Variants in USP43 observed in about 807,000 individuals in gnomAD.
USP43 encodes ubiquitin specific peptidase 43.
USP43 carries 33 observed loss-of-function variants against 90.7 expected under a neutral mutation model. The observed-to-expected ratio is 0.36, with a 90% CI of 0.28 to 0.49. The LOEUF (loss-of-function observed/expected upper bound fraction) is 0.49. Ranked by LOEUF, USP43 falls within the 20% of genes least tolerant of loss-of-function variation. The pLI is 0.98. For missense variants in USP43, 1,274 were observed against 1,476.4 expected (o/e 0.86, Z 2.25); for synonymous variants, 598 against 615.8 (o/e 0.97, Z 0.43).
At chr17:9,727,503 A>AT (rs533288625) in intron 14 of USP43, among the ~76,000 whole-genome samples, 153 of 147,106 alleles carry the variant, frequency 1.0e-3, no homozygotes, top group Non-Finnish European at 1.5e-3. Flanking sequence ...TTTTAATTCC[A>AT]TTTTTTTTTT....
intron 8 of USP43, 142 bp downstream of exon 8, chr17:9,687,051 T>C: frequency 3.4e-6 from 2 of 595,208 alleles, no homozygotes; most frequent in Non-Finnish European, 5.5e-6. Context: ...CATACTGTTT[T>C]ATAAAATGAC....
At chr17:9,712,248 A>G in intron 14 of USP43, 116 bp downstream of exon 14, 2 of 1,276,426 alleles carry the variant, frequency 1.6e-6, no homozygotes, top group Non-Finnish European at 2.0e-6. Context: ...CATCATTACG[A>G]GAGGTTTGTT....
intron 14 of USP43, among the ~76,000 whole-genome samples, chr17:9,712,494 G>A (rs920482818): frequency 2.0e-5 from 3 of 152,282 alleles, no homozygotes; most frequent in Admixed American, 6.5e-5. Flanking sequence ...TAGGACGGGC[G>A]GGTAACATCT....
In USP43 at chr17:9,666,760, G is replaced by C; in HGVS notation, c.740+9G>C. 1 of 1,605,252 alleles carries C rather than the reference G, an allele frequency of 6.2e-7. No individual in the cohort carries two copies. Among genetic ancestry groups the C allele is most frequent in the Non-Finnish European group, 8.5e-7 (1 of 1,174,416 alleles). ...TTTCAAGCACAATATAGGTAAGATGGGGATGTGTTTAGAATGTATCACCCG... is the reference window on the plus strand; with the variant it reads ...TTTCAAGCACAATATAGGTAAGATGCGGATGTGTTTAGAATGTATCACCCG... On this transcript the variant is annotated intron_variant, in intron 3 of 14. Transcript: ENST00000285199.
At position 9,686,926 on chromosome 17, in the gene USP43, CGT is replaced by C. The variant is rs148093920; in HGVS notation, c.1353+31_1353+32del. The stretch of plus-strand genomic sequence containing the variant: ...CCTGTACAGGTCAGTGGTGTGCATG[CGT>C]GTGTGTGTGTGTGCGTGCATGCGCA... On this transcript the variant is annotated intron_variant, in intron 8 of 14. Coordinates refer to ENST00000285199, the MANE Select transcript of USP43 (RefSeq NM_153210.5). The surrounding 1 kb of genome is among the most constrained non-coding windows in gnomAD (Gnocchi z 5.5). The C allele has an allele frequency of 9.6e-3, 13,857 of 1,448,362 alleles. 1 individual carries two copies. The highest frequency in any genetic ancestry group is 0.014 in the South Asian group (1,122 of 78,386). 89.7% of individuals were successfully genotyped at this position (1,448,362 alleles called of 1,614,324 possible). A position where few individuals can be genotyped will look rare whatever the true frequency, so the allele number is the denominator to read the frequency against.
chr17:9,695,276 A>T (rs1915188869), intron 9 of USP43, among the ~76,000 whole-genome samples: 1 of 151,902 alleles, frequency 6.6e-6, no homozygotes, highest in Non-Finnish European at 1.5e-5. Context: ...GCCTATCCCA[A>T]CATCTCCTTG....
At chr17:9,698,837 T>G (rs1415035441) in intron 9 of USP43, among the ~76,000 whole-genome samples, 1 of 152,234 alleles carries the variant, frequency 6.6e-6, no homozygotes, top group Admixed American at 6.5e-5. Context: ...ATAAGACTGA[T>G]TAAGGATGCA....
intron 8 of USP43, among the ~76,000 whole-genome samples, chr17:9,690,846 C>G (rs1390185270): frequency 6.6e-6 from 1 of 152,148 alleles, no homozygotes; most frequent in Non-Finnish European, 1.5e-5. Flanking sequence ...GATCGCACCA[C>G]TGCATTCCAG....
chr17:9,646,410 T>G (rs1446030225), intron 1 of USP43, among the ~76,000 whole-genome samples: 1 of 152,168 alleles, frequency 6.6e-6, no homozygotes, highest in Non-Finnish European at 1.5e-5. Flanking sequence ...AAGCATTTGT[T>G]GAAGTATTGA....
At chr17:9,677,757 A>G (rs1473289249) in intron 5 of USP43, among the ~76,000 whole-genome samples, 1 of 152,202 alleles carries the variant, frequency 6.6e-6, no homozygotes, top group East Asian at 1.9e-4. Flanking sequence ...TTTTCAAATC[A>G]AAAAATATTT....
chr17:9,713,944 A>G (rs1431331310), intron 14 of USP43, among the ~76,000 whole-genome samples: 2 of 152,150 alleles, frequency 1.3e-5, no homozygotes, highest in Admixed American at 6.6e-5. Context: ...GGTTTCATGG[A>G]AGACAATTTT....
chr17:9,718,711 A>C (rs1479288254), intron 14 of USP43, among the ~76,000 whole-genome samples: 3 of 145,306 alleles, frequency 2.1e-5, no homozygotes, highest in Non-Finnish European at 4.5e-5. Flanking sequence ...ATGGTGGTGC[A>C]TGCCTGTAAT....
At chr17:9,670,809 G>A (rs866607353) in intron 3 of USP43, among the ~76,000 whole-genome samples, 1 of 152,142 alleles carries the variant, frequency 6.6e-6, no homozygotes, top group African/African-American at 2.4e-5. Context: ...AGTAAGAGGC[G>A]AGGTGTTCAC....
At chr17:9,671,129 A>G (rs1913392647) in intron 3 of USP43, among the ~76,000 whole-genome samples, 1 of 152,186 alleles carries the variant, frequency 6.6e-6, no homozygotes, top group Non-Finnish European at 1.5e-5. Context: ...TGGGGGAGAG[A>G]AAAGGAACCT....
intron 1 of USP43, chr17:9,647,061 C>CAAAAAAAAAAAAAA (rs11305216): frequency 1.3e-5 from 1 of 79,818 alleles, no homozygotes; most frequent in Admixed American, 1.5e-4. Flanking sequence ...TTGCTTCCTG[C>CAAAAAAAAAAAAAA]AAAAAAAAAA....
chr17:9,704,733 T>TGGCC lies in USP43; in HGVS notation c.2011+3034_2011+3037dup, dbSNP rs572470753. ...AGCCTCTGGGGCTGTAGCTGGTGGG[T>TGGCC]GGCCCTCTTCCTACCCCCTGCAACC... On this transcript the variant is annotated intron_variant, in intron 12 of 14. Coordinates refer to ENST00000285199, the MANE Select transcript of USP43 (RefSeq NM_153210.5). Among the ~76,000 whole-genome samples the TGGCC allele has an allele frequency of 1.8e-4, 28 of 152,148 alleles. No homozygotes were observed. In the South Asian group the frequency reaches 5.4e-3, roughly 29 times the overall value.
rs1189221746 is a variant in USP43, at chr17:9,709,242, A to G, written c.2012-714A>G. Among the ~76,000 whole-genome samples, 2 of 152,230 alleles carry G rather than the reference A, an allele frequency of 1.3e-5. No homozygotes were observed. The highest frequency in any genetic ancestry group is 2.9e-5 in the Non-Finnish European group (2 of 68,042). ...TTCAGTTCTTAGAAAGAGGTATGCCATAAGCCCAATTGTGATTCTCATCTT... is the reference window on the plus strand; with the variant it reads ...TTCAGTTCTTAGAAAGAGGTATGCCGTAAGCCCAATTGTGATTCTCATCTT... On this transcript the variant is annotated intron_variant, in intron 12 of 14. Transcript: ENST00000285199. The surrounding 1 kb of genome is among the most constrained non-coding windows in gnomAD (Gnocchi z 5.0).
At chr17:9,726,133 C>A (rs1567687540) in intron 14 of USP43, among the ~76,000 whole-genome samples, 1 of 152,150 alleles carries the variant, frequency 6.6e-6, no homozygotes, top group Non-Finnish European at 1.5e-5. Context: ...TTTTGGAGGT[C>A]ATGGGCTTTC....
At chr17:9,657,489 A>T (rs1912343021) in intron 2 of USP43, among the ~76,000 whole-genome samples, 1 of 149,674 alleles carries the variant, frequency 6.7e-6, no homozygotes, top group African/African-American at 2.5e-5. Context: ...GACATAGTGA[A>T]ACTCCGTCTC....
Sources: gnomAD v4.1 joint callset for allele counts (sites outside exome capture counted in the v4.1 genomes callset) on GRCh38, gnomAD v4.1.1 for gene constraint, Gnocchi (gnomAD v3.1) non-coding constraint, MANE v1.5 for transcripts, NCBI Gene and HGNC (gene_info 2026-07-23, HGNC 2026-07-21) for gene names.